AUTS2: variants seen among roughly 807,000 people sequenced by gnomAD.
AUTS2 encodes autism susceptibility gene 2 protein.
Under a neutral mutation model 112.4 loss-of-function variants are expected in AUTS2, and 17 were observed. That is an observed-to-expected ratio of 0.15 (90% CI 0.10 to 0.23). The LOEUF (loss-of-function observed/expected upper bound fraction) is 0.23. AUTS2 is among the 10% of genes least tolerant of loss of function. The probability of loss-of-function intolerance (pLI) is 1.00; values close to 1 mark genes in which losing one functional copy is unlikely to be tolerated. For synonymous variants in AUTS2, 751 were observed against 702.7 expected, an observed-to-expected ratio of 1.07 and a Z score of -1.09; for missense variants, 1,510 against 1,701.6, an observed-to-expected ratio of 0.89 and a Z score of 1.98.
intron 2 of AUTS2, among the ~76,000 whole-genome samples, chr7:70,075,840 A>G (rs1803000586): frequency 6.6e-6 from 1 of 152,224 alleles, no homozygotes; most frequent in Non-Finnish European, 1.5e-5. Context: ...GTGGAGGTTC[A>G]CTTAAAATGT....
chr7:70,039,296 A>G (rs536840972), intron 2 of AUTS2, among the ~76,000 whole-genome samples: 52 of 152,166 alleles, frequency 3.4e-4, no homozygotes, highest in African/African-American at 1.2e-3. Context: ...AATTTTTACA[A>G]TTCACTACCG....
intron 6 of AUTS2, among the ~76,000 whole-genome samples, chr7:70,750,941 T>C (rs11974116): frequency 0.4 from 61,364 of 152,038 alleles, 14,408 homozygotes; most frequent in African/African-American, 0.65. Flanking sequence ...GAAACTAGGG[T>C]TTACCCTAGA....
intron 1 of AUTS2, among the ~76,000 whole-genome samples, chr7:69,651,605 C>T (rs1795292345): frequency 6.6e-6 from 1 of 152,182 alleles, no homozygotes; most frequent in Non-Finnish European, 1.5e-5. Flanking sequence ...GGTGAAACCT[C>T]TTCATCTCAT....
intron 5 of AUTS2, among the ~76,000 whole-genome samples, chr7:70,525,258 T>C (rs1799795394): frequency 6.6e-6 from 1 of 152,190 alleles, no homozygotes; most frequent in African/African-American, 2.4e-5. Context: ...CCTATTCCTT[T>C]TTCTCACGAC....
chr7:70,757,128 A>G (rs78045253), intron 6 of AUTS2, among the ~76,000 whole-genome samples: 9,475 of 152,282 alleles, frequency 0.062, 433 homozygotes, highest in Non-Finnish European at 0.092. Context: ...TTTTGCACTG[A>G]AAAACACTTT....
intron 1 of AUTS2, among the ~76,000 whole-genome samples, chr7:69,648,746 C>T (rs1193158765): frequency 6.6e-6 from 1 of 151,966 alleles, no homozygotes; most frequent in Non-Finnish European, 1.5e-5. Flanking sequence ...TGTGAAGGGA[C>T]CTGTTATTGA....
At chr7:69,993,079 C>T (rs75660129) in intron 2 of AUTS2, among the ~76,000 whole-genome samples, 16 of 152,270 alleles carry the variant, frequency 1.1e-4, no homozygotes, top group East Asian at 1.9e-4. Context: ...GTACTTTCAG[C>T]GGTCTGTCTC....
intron 4 of AUTS2, among the ~76,000 whole-genome samples, chr7:70,366,874 A>C (rs1426000504): frequency 4.6e-5 from 7 of 152,192 alleles, no homozygotes; most frequent in Non-Finnish European, 2.9e-5. Context: ...GAAGATGAGA[A>C]TAAGGAAGAA....
chr7:69,825,085 A>G (rs1244647607), intron 1 of AUTS2, among the ~76,000 whole-genome samples: 16 of 152,324 alleles, frequency 1.1e-4, no homozygotes, highest in Admixed American at 2.6e-4. Flanking sequence ...TTTAGCCAGT[A>G]AGTAGAGCTT....
At chr7:70,781,544 C>T in intron 14 of AUTS2, 71 bp from the exon 15 acceptor site, 1 of 1,562,358 alleles carries the variant, frequency 6.4e-7, no homozygotes, top group South Asian at 1.2e-5. Flanking sequence ...GTCTCCAGCT[C>T]CAGCTCTTCA....
At chr7:69,849,825 G>A (rs1260474803) in intron 1 of AUTS2, among the ~76,000 whole-genome samples, 1 of 152,010 alleles carries the variant, frequency 6.6e-6, no homozygotes, top group East Asian at 1.9e-4. Flanking sequence ...ATCAGAGTTT[G>A]TTTAATCATT....
At chr7:70,541,032 C>A (rs1333178634) in intron 5 of AUTS2, among the ~76,000 whole-genome samples, 1 of 152,128 alleles carries the variant, frequency 6.6e-6, no homozygotes. Context: ...TTGCTTTTTC[C>A]CACTGGTGCT....
intron 2 of AUTS2, among the ~76,000 whole-genome samples, chr7:70,088,664 G>C (rs1049424972): frequency 6.6e-6 from 1 of 151,330 alleles, no homozygotes; most frequent in Non-Finnish European, 1.5e-5. Context: ...CCAGGCTGGC[G>C]TGCAATGGCG....
intron 2 of AUTS2, among the ~76,000 whole-genome samples, chr7:69,956,481 C>T (rs763372385): frequency 1.4e-4 from 22 of 152,114 alleles, no homozygotes; most frequent in Admixed American, 4.6e-4. Context: ...AGATCACCTG[C>T]GGTTGAAACA....
At chr7:69,883,742 C>T (rs569134446) in intron 1 of AUTS2, among the ~76,000 whole-genome samples, 2 of 152,216 alleles carry the variant, frequency 1.3e-5, no homozygotes, top group African/African-American at 4.8e-5. Context: ...CATGCACACA[C>T]CCTCCCAACC....
At position 70,720,138 on chromosome 7, in the gene AUTS2, C is replaced by T. The variant is rs148398473; in HGVS notation, c.742+21518C>T. ...TGCCAAAATCTGAATCGTTACTCCA[C>T]GGAGTTTATTATTTAGGCAGATCCG... On this transcript the variant is annotated intron_variant, in intron 6 of 18. Coordinates refer to ENST00000342771, the MANE Select transcript of AUTS2 (RefSeq NM_015570.4). Among the ~76,000 whole-genome samples, 166 of 152,062 alleles carry T rather than the reference C, an allele frequency of 1.1e-3. 3 individuals are homozygous for T. Among genetic ancestry groups the T allele is most frequent in the Admixed American group, 9.9e-3 (151 of 15,264 alleles).
At chr7:70,641,916 A>G (rs1379957574) in intron 5 of AUTS2, among the ~76,000 whole-genome samples, 4 of 152,252 alleles carry the variant, frequency 2.6e-5, no homozygotes, top group African/African-American at 7.2e-5. Context: ...CGAATATTCT[A>G]TAGTGCACAT....
intron 5 of AUTS2, among the ~76,000 whole-genome samples, chr7:70,544,681 C>T (rs1308135363): frequency 6.6e-6 from 1 of 152,172 alleles, no homozygotes; most frequent in Admixed American, 6.5e-5. Flanking sequence ...AAGGTTTCCA[C>T]TTTGACCACC....
intron 5 of AUTS2, among the ~76,000 whole-genome samples, chr7:70,636,525 G>T (rs1805541845): frequency 6.6e-6 from 1 of 152,126 alleles, no homozygotes; most frequent in Non-Finnish European, 1.5e-5. Flanking sequence ...TACATTTTGT[G>T]GGACCTTAGA....
Sources: gnomAD v4.1 joint callset for allele counts (sites outside exome capture counted in the v4.1 genomes callset) on GRCh38, gnomAD v4.1.1 for gene constraint, MANE v1.5 for transcripts, NCBI Gene and HGNC (gene_info 2026-07-23, HGNC 2026-07-21) for gene names.